Variants in ETV6 observed in about 807,000 individuals in gnomAD.
The protein encoded by ETV6 is transcription factor ETV6.
A neutral mutation model predicts 51.1 loss-of-function variants in ETV6; 16 were observed. That is an observed-to-expected ratio of 0.31 (90% confidence interval 0.21 to 0.48). The LOEUF is 0.48. ETV6 is among the 20% of genes least tolerant of loss of function. ETV6 has a pLI of 0.99. For synonymous variants in ETV6, 240 were observed against 224.1 expected (o/e 1.07, Z -0.64); for missense variants, 458 against 594.8 (o/e 0.77, Z 2.39).
At chr12:11,723,363 C>T (rs543863280) in intron 1 of ETV6, among the ~76,000 whole-genome samples, 1 of 152,172 alleles carries the variant, frequency 6.6e-6, no homozygotes, top group East Asian at 1.9e-4. Context: ...ACATTTAATA[C>T]CCACAACGCA....
chr12:11,669,985 T>G (rs1391704325), intron 1 of ETV6, among the ~76,000 whole-genome samples: 1 of 150,822 alleles, frequency 6.6e-6, no homozygotes, highest in East Asian at 1.9e-4. Context: ...TCTCTGCTTT[T>G]CGATGATTCT....
At chr12:11,712,383 C>A (rs1246480726) in intron 1 of ETV6, among the ~76,000 whole-genome samples, 1 of 152,154 alleles carries the variant, frequency 6.6e-6, no homozygotes, top group Non-Finnish European at 1.5e-5. Context: ...GAAGAAAGGA[C>A]CTAGGTGCCA....
intron 1 of ETV6, among the ~76,000 whole-genome samples, chr12:11,705,454 A>G (rs1865056880): frequency 6.6e-6 from 1 of 152,130 alleles, no homozygotes. Context: ...TTTCGATTAG[A>G]TTATCTGCAT....
chr12:11,829,135 G>A (rs1474687855), intron 2 of ETV6, among the ~76,000 whole-genome samples: 1 of 152,132 alleles, frequency 6.6e-6, no homozygotes, highest in Non-Finnish European at 1.5e-5. Context: ...GCTCCTGCCA[G>A]AGCCGTCATG....
At chr12:11,717,016 G>A (rs1235963636) in intron 1 of ETV6, among the ~76,000 whole-genome samples, 3 of 152,202 alleles carry the variant, frequency 2.0e-5, no homozygotes, top group South Asian at 2.1e-4. Flanking sequence ...ATCCAAGCCC[G>A]TATTTCAGCA....
chr12:11,817,576 G>T (rs1482730506), intron 2 of ETV6, among the ~76,000 whole-genome samples: 1 of 152,178 alleles, frequency 6.6e-6, no homozygotes, highest in Non-Finnish European at 1.5e-5. Context: ...AACTAATCAT[G>T]TACTTTTCTA....
intron 1 of ETV6, among the ~76,000 whole-genome samples, chr12:11,744,567 CT>C (rs1865872678): frequency 6.6e-6 from 1 of 152,192 alleles, no homozygotes; most frequent in Non-Finnish European, 1.5e-5. Context: ...TGAATTGATG[CT>C]GCTGACCTGC....
intron 2 of ETV6, among the ~76,000 whole-genome samples, chr12:11,835,049 T>C (rs1183769135): frequency 1.3e-5 from 2 of 152,212 alleles, no homozygotes; most frequent in African/African-American, 4.8e-5. Context: ...AATGTACTGA[T>C]GAATGTGGCT....
chr12:11,812,424 CA>C (rs1490773821), intron 2 of ETV6, among the ~76,000 whole-genome samples: 5 of 152,164 alleles, frequency 3.3e-5, no homozygotes, highest in African/African-American at 1.2e-4. Context: ...TTATAGCAAC[CA>C]ATGCAGTAAA....
At chr12:11,870,010 C>G (rs1228382416) in intron 5 of ETV6, 41 bp downstream of exon 5, 6 of 1,558,068 alleles carry the variant, frequency 3.9e-6, no homozygotes, top group Non-Finnish European at 5.2e-6. Flanking sequence ...ATCATGGGGA[C>G]CTGACAAAGT....
chr12:11,695,331 G>C (rs1437980505), intron 1 of ETV6, among the ~76,000 whole-genome samples: 4 of 152,186 alleles, frequency 2.6e-5, no homozygotes, highest in African/African-American at 9.7e-5. Flanking sequence ...CTGAGGAAAA[G>C]AAGGGAGTGA....
chr12:11,656,461 C>A (rs1864001100), intron 1 of ETV6, among the ~76,000 whole-genome samples: 2 of 152,186 alleles, frequency 1.3e-5, no homozygotes, highest in Admixed American at 6.5e-5. Flanking sequence ...TTCTGAATTT[C>A]CTCTGCTTCC....
intron 2 of ETV6, 148 bp downstream of exon 2, chr12:11,752,727 A>AC (rs372753607): frequency 1.1e-6 from 1 of 944,156 alleles, no homozygotes. Flanking sequence ...ACACCCCCCT[A>AC]CCCCCAGATA....
intron 1 of ETV6, among the ~76,000 whole-genome samples, chr12:11,694,309 G>T (rs1864830874): frequency 6.6e-6 from 1 of 152,158 alleles, no homozygotes; most frequent in Non-Finnish European, 1.5e-5. Flanking sequence ...GTTGAAAAAT[G>T]GGCCACTAAT....
chr12:11,730,842 T>C (rs1784472973), intron 1 of ETV6, among the ~76,000 whole-genome samples: 1 of 152,180 alleles, frequency 6.6e-6, no homozygotes, highest in Admixed American at 6.5e-5. Flanking sequence ...TAGAATATTA[T>C]AATGTTCAAT....
rs76928651 is a variant in ETV6 at position 11,774,895 on chromosome 12, G to A, written c.163+22316G>A. On this transcript the variant is annotated intron_variant, in intron 2 of 7. Transcript: ENST00000396373. Reference sequence around the variant, plus strand: ...GGAATTCTGAGTTTATGCAGCAGAGGGACCGTAGCCCCGGGGTCAGGCAGG... The same window carrying A: ...GGAATTCTGAGTTTATGCAGCAGAGAGACCGTAGCCCCGGGGTCAGGCAGG... 2.4e-3 allele frequency among the ~76,000 whole-genome samples: 359 copies of A among 152,260 alleles called. 2 individuals are homozygous for A. The highest frequency in any genetic ancestry group is 0.019 in the South Asian group (91 of 4,820).
chr12:11,791,068 C>T (rs367553622), intron 2 of ETV6, among the ~76,000 whole-genome samples: 9 of 152,152 alleles, frequency 5.9e-5, no homozygotes, highest in African/African-American at 2.2e-4. Context: ...ACACCAGTCC[C>T]CAATCCTTTC....
intron 1 of ETV6, among the ~76,000 whole-genome samples, chr12:11,742,805 CTTTTTTTTTT>C (rs751007395): frequency 8.9e-5 from 7 of 78,680 alleles, no homozygotes; most frequent in African/African-American, 3.4e-4. Flanking sequence ...TTCTTTCTTT[CTTTTTTTTTT>C]TTTTTTTTGG....
chr12:11,889,669 A>G (rs1947257456), intron 7 of ETV6, among the ~76,000 whole-genome samples: 1 of 152,220 alleles, frequency 6.6e-6, no homozygotes, highest in Non-Finnish European at 1.5e-5. Context: ...GATTTATACA[A>G]GAGCCAAGAC....
Sources: gnomAD v4.1 joint callset for allele counts (sites outside exome capture counted in the v4.1 genomes callset) on GRCh38, gnomAD v4.1.1 for gene constraint, MANE v1.5 for transcripts, NCBI Gene and HGNC (gene_info 2026-07-23, HGNC 2026-07-21) for gene names.